SCUBE1: variants seen among roughly 807,000 people sequenced by gnomAD.
The protein encoded by SCUBE1 is signal peptide, CUB and EGF-like domain-containing protein 1.
In SCUBE1, 59 loss-of-function variants were observed where a neutral mutation model predicts 124.4. The observed-to-expected ratio is 0.47, with a 90% confidence interval of 0.38 to 0.59. The LOEUF (loss-of-function observed/expected upper bound fraction) is 0.59. SCUBE1 is among the 20% of genes least tolerant of loss of function. SCUBE1 has a pLI of 0.00. For missense variants in SCUBE1, 1,150 were observed against 1,371.2 expected, an observed-to-expected ratio of 0.84 and a Z score of 2.55; for synonymous variants, 545 against 550.9, an observed-to-expected ratio of 0.99 and a Z score of 0.15.
In SCUBE1 at chr22:43,255,611, G is replaced by GT. The variant is rs1390775188; in HGVS notation, c.727+2607dup. The GT allele has an allele frequency of 6.5e-7, 1 of 1,529,658 alleles. No homozygotes were observed. The highest frequency in any genetic ancestry group is 2.0e-5 in the Admixed American group (1 of 50,952). 94.8% of individuals were successfully genotyped at this position (1,529,658 alleles called of 1,614,324 possible). ...CAAGTAAGGGACAAACACGGAGCCA[G>GT]TGGTTAATGACAGCCCACTTCCCGC... On this transcript the variant is annotated intron_variant, in intron 6 of 21. Coordinates refer to ENST00000360835, the MANE Select transcript of SCUBE1 (RefSeq NM_173050.5). The surrounding 1 kb of genome is among the most constrained non-coding windows in gnomAD (Gnocchi z 4.7).
intron 3 of SCUBE1, among the ~76,000 whole-genome samples, chr22:43,297,694 G>A (rs1925614741): frequency 6.6e-6 from 1 of 152,230 alleles, no homozygotes; most frequent in South Asian, 2.1e-4. Context: ...GGCCCAAGAT[G>A]CTGATGTTTG....
In SCUBE1 at chr22:43,203,291, A is replaced by G. The variant is rs1921080454; in HGVS notation, c.*706T>C. 1 of 151,712 alleles carries G rather than the reference A, an allele frequency of 6.6e-6. No homozygotes were observed. Among genetic ancestry groups the G allele is most frequent in the South Asian group, 2.1e-4 (1 of 4,816 alleles). The allele number at this position is 151,712 out of a possible 1,614,324, so 9.4% of individuals were successfully genotyped here. On this transcript the variant is annotated 3_prime_UTR_variant, in exon 22 of 22. Coordinates refer to ENST00000360835, the MANE Select transcript of SCUBE1 (RefSeq NM_173050.5). ...CTGGGACTCACTGGGCTCATGCGGG[A>G]AGGGATGGGGTCACAATTCATATTT... is the stretch of plus-strand genomic sequence containing the variant.
At chr22:43,248,234 G>A (rs1923295841) in intron 6 of SCUBE1, among the ~76,000 whole-genome samples, 1 of 152,196 alleles carries the variant, frequency 6.6e-6, no homozygotes, top group Non-Finnish European at 1.5e-5. Flanking sequence ...CCTCCATTGG[G>A]ATGGAGTACA....
chr22:43,298,041 C>T (rs1160115659), intron 3 of SCUBE1, among the ~76,000 whole-genome samples: 3 of 152,234 alleles, frequency 2.0e-5, no homozygotes, highest in Admixed American at 1.3e-4. Context: ...GGGGCTGAGG[C>T]CCCCACCGCC....
intron 19 of SCUBE1, 68 bp from the exon 20 acceptor site, chr22:43,208,292 T>A: frequency 4.1e-6 from 6 of 1,468,664 alleles, no homozygotes; most frequent in Non-Finnish European, 5.7e-6. Context: ...GCCACTCGCC[T>A]CCCATCCAGT....
intron 1 of SCUBE1, among the ~76,000 whole-genome samples, chr22:43,339,637 C>T (rs1301580284): frequency 1.4e-5 from 2 of 138,564 alleles, no homozygotes; most frequent in Non-Finnish European, 1.5e-5. Context: ...TTACTCTATC[C>T]CCCCACAAGC....
intron 6 of SCUBE1, among the ~76,000 whole-genome samples, chr22:43,241,493 G>A (rs995578941): frequency 7.9e-5 from 12 of 152,060 alleles, no homozygotes; most frequent in African/African-American, 2.7e-4. Context: ...GGCTCCTTGC[G>A]GGCAGTGACC....
At chr22:43,338,673 G>T (rs1333209312) in intron 2 of SCUBE1, among the ~76,000 whole-genome samples, 1 of 152,034 alleles carries the variant, frequency 6.6e-6, no homozygotes, top group Non-Finnish European at 1.5e-5. Flanking sequence ...TTATAGGCAT[G>T]CACCACCACG....
At chr22:43,316,848 T>G (rs1926365765) in intron 3 of SCUBE1, 1 of 152,232 alleles carries the variant, frequency 6.6e-6, no homozygotes. Context: ...GGGTATTTAT[T>G]CGGGGTGTAA....
chr22:43,329,883 G>A (rs1184780565), intron 2 of SCUBE1, among the ~76,000 whole-genome samples: 1 of 152,142 alleles, frequency 6.6e-6, no homozygotes, highest in African/African-American at 2.4e-5. Flanking sequence ...GGTTTTTGCT[G>A]GTTAGCATTC....
At chr22:43,324,656 C>T (rs1224298211) in intron 2 of SCUBE1, among the ~76,000 whole-genome samples, 4 of 151,656 alleles carry the variant, frequency 2.6e-5, no homozygotes, top group Admixed American at 6.6e-5. Context: ...AAAACATATC[C>T]AGGAGTCGCC....
intron 4 of SCUBE1, among the ~76,000 whole-genome samples, chr22:43,286,050 G>A (rs1162428646): frequency 6.6e-6 from 1 of 152,186 alleles, no homozygotes; most frequent in African/African-American, 2.4e-5. Context: ...CGTTCCAAGA[G>A]CTTCCAGGTC....
chr22:43,214,383 C>T (rs1229025650), intron 15 of SCUBE1, 132 bp from the exon 16 acceptor site: 1 of 790,216 alleles, frequency 1.3e-6, no homozygotes, highest in African/African-American at 1.8e-5. Context: ...CACAGAGGGG[C>T]CCCTGACCTA....
intron 2 of SCUBE1, among the ~76,000 whole-genome samples, chr22:43,322,529 T>C (rs970144936): frequency 6.6e-6 from 1 of 152,192 alleles, no homozygotes. Context: ...ACGCGTGGTT[T>C]TTCTACACCC....
chr22:43,338,515 A>G (rs1166461078), intron 2 of SCUBE1, among the ~76,000 whole-genome samples: 1 of 151,890 alleles, frequency 6.6e-6, no homozygotes, highest in Non-Finnish European at 1.5e-5. Context: ...CTTCATCTTA[A>G]TTTCTTTTTC....
At position 43,200,528 on chromosome 22, in the gene SCUBE1, C is replaced by A. The variant is rs1338213238; in HGVS notation, c.*3469G>T. On this transcript the variant is annotated 3_prime_UTR_variant, in exon 22 of 22. Transcript: ENST00000360835. ...AGCTGCCATTGGCTTCGACAACATG[C>A]CAACTGGAAGAAATGCGCTTTGCTG... 4.6e-5 allele frequency: 7 copies of A among 152,346 alleles called. No individual in the cohort carries two copies. The highest frequency in any genetic ancestry group is 4.6e-4 in the Admixed American group (7 of 15,292). The allele number at this position is 152,346 out of a possible 1,614,324, so 9.4% of individuals were successfully genotyped here.
intron 4 of SCUBE1, among the ~76,000 whole-genome samples, chr22:43,267,828 G>A (rs530868849): frequency 6.6e-6 from 1 of 152,332 alleles, no homozygotes; most frequent in East Asian, 1.9e-4. Flanking sequence ...CTAACGGGAA[G>A]GAATGCCAAC....
At position 43,234,099 on chromosome 22, in the gene SCUBE1, C is replaced by T. The variant is rs1175451971; in HGVS notation, c.845-2224G>A. On this transcript the variant is annotated intron_variant, in intron 7 of 21. Transcript: ENST00000360835. The surrounding 1 kb of genome is among the most constrained non-coding windows in gnomAD (Gnocchi z 4.4). ...CAGCCACCAAGAAAGAGATATGAAG[C>T]CCAGCTGTGCTGGTCCAGGGCGGAG... is the stretch of plus-strand genomic sequence containing the variant. Among the ~76,000 whole-genome samples, 2 of 152,030 alleles carry T rather than the reference C, an allele frequency of 1.3e-5. No homozygotes were observed. The highest frequency in any genetic ancestry group is 1.5e-5 in the Non-Finnish European group (1 of 68,012).
At chr22:43,227,185 C>G (rs971603898) in intron 10 of SCUBE1, among the ~76,000 whole-genome samples, 189 bp downstream of exon 10, 1 of 152,166 alleles carries the variant, frequency 6.6e-6, no homozygotes, top group Non-Finnish European at 1.5e-5. Context: ...TGCCTGGGAC[C>G]CCCTCCTTTT....
Sources: gnomAD v4.1 joint callset for allele counts (sites outside exome capture counted in the v4.1 genomes callset) on GRCh38, gnomAD v4.1.1 for gene constraint, Gnocchi (gnomAD v3.1) non-coding constraint, MANE v1.5 for transcripts, NCBI Gene and HGNC (gene_info 2026-07-23, HGNC 2026-07-21) for gene names.